Variants in ATP2C1 observed in about 807,000 individuals in gnomAD.
ATP2C1 encodes the protein ATPase secretory pathway Ca2+ transporting 1.
A neutral mutation model predicts 120.5 loss-of-function variants in ATP2C1; 31 were observed. The ratio of observed to expected loss-of-function variants is 0.26; its 90% CI spans 0.19 to 0.35. The LOEUF is 0.35. Ranked by LOEUF, ATP2C1 falls within the 10% of genes least tolerant of loss-of-function variation. The probability of loss-of-function intolerance (pLI) is 1.00; values close to 1 mark genes in which losing one functional copy is unlikely to be tolerated. For synonymous variants in ATP2C1, 351 were observed against 358.7 expected (o/e 0.98, Z 0.24); for missense variants, 731 against 1,107.5 (o/e 0.66, Z 4.83).
At chr3:130,941,275 TGCGCGCAC>T (rs2059905922) in intron 7 of ATP2C1, among the ~76,000 whole-genome samples, 2 of 150,692 alleles carry the variant, frequency 1.3e-5, no homozygotes, top group Non-Finnish European at 3.0e-5. Flanking sequence ...TCTGTGTGTG[TGCGCGCAC>T]GCGCGCATGC....
At chr3:130,996,217 A>C in intron 23 of ATP2C1, 106 bp downstream of exon 23, 1 of 861,842 alleles carries the variant, frequency 1.2e-6, no homozygotes. Context: ...ATTTGTGAGC[A>C]TTGTTCATAT....
intron 2 of ATP2C1, among the ~76,000 whole-genome samples, chr3:130,914,966 G>T (rs1339531486): frequency 2.0e-5 from 3 of 152,164 alleles, no homozygotes; most frequent in African/African-American, 7.2e-5. Flanking sequence ...AAAGCAGTTG[G>T]ATTGTTGAAT....
Position 130,975,510 on chromosome 3 carries a change from C to T in ATP2C1, c.1570+22C>T, listed in dbSNP as rs80188888. 1.3e-3 allele frequency: 2,149 copies of T among 1,612,014 alleles called. 33 individuals are homozygous for T. In the African/African-American group the frequency reaches 0.025, roughly 19 times the overall value. ...AGAGGTAAGGCTATTTCAGCATAGT[C>T]CCCTGGGGTGGAAAGGTAGAGCCTT... On this transcript the variant is annotated intron_variant, in intron 18 of 27. Coordinates refer to ENST00000510168, the MANE Select transcript of ATP2C1 (RefSeq NM_001378687.1).
At chr3:130,855,708 A>T (rs1195641839) in intron 1 of ATP2C1, among the ~76,000 whole-genome samples, 1 of 152,230 alleles carries the variant, frequency 6.6e-6, no homozygotes, top group African/African-American at 2.4e-5. Context: ...GGATGGGTCC[A>T]GAGAATAGGT....
At chr3:131,014,504 T>C in intron 26 of ATP2C1, 3 of 953,466 alleles carry the variant, frequency 3.1e-6, no homozygotes, top group Non-Finnish European at 4.5e-6. Context: ...TATTGCTCTA[T>C]AATATTATCG....
chr3:130,993,023 T>C (rs1354841389), intron 21 of ATP2C1, 22 bp downstream of exon 21: 1 of 1,603,706 alleles, frequency 6.2e-7, no homozygotes, highest in Non-Finnish European at 8.5e-7. Flanking sequence ...AGAATCAGAT[T>C]GTTTTATTTC....
intron 3 of ATP2C1, among the ~76,000 whole-genome samples, chr3:130,930,926 A>T (rs2059422196): frequency 6.6e-6 from 1 of 152,118 alleles, no homozygotes; most frequent in Non-Finnish European, 1.5e-5. Context: ...GTAGGAGTTT[A>T]TCTTTTTTTG....
intron 1 of ATP2C1, among the ~76,000 whole-genome samples, chr3:130,884,028 G>A (rs1298388978): frequency 4.3e-5 from 6 of 138,788 alleles, no homozygotes; most frequent in African/African-American, 1.1e-4. Flanking sequence ...TGCAACCTCC[G>A]CCTCTCGGGT....
rs2069434779 is a variant in ATP2C1, at chr3:130,894,713, C to T, written c.-57C>T. ...CCTCTCCTCTCTATTCCCAGTGTGG[C>T]CGTGGCTGACACTAAAGACTTTGTA... On this transcript the variant is annotated 5_prime_UTR_variant, in exon 2 of 28. Coordinates refer to ENST00000510168, the MANE Select transcript of ATP2C1 (RefSeq NM_001378687.1). This position sits in a 1 kb window ranked among gnomAD's most constrained non-coding sequence, Gnocchi z 4.5. The T allele has an allele frequency of 6.2e-7, 1 of 1,614,136 alleles. No individual in the cohort carries two copies. Among genetic ancestry groups the T allele is most frequent in the Non-Finnish European group, 8.5e-7 (1 of 1,180,010 alleles).
chr3:130,970,399 C>CAT (rs1355403374), intron 17 of ATP2C1, among the ~76,000 whole-genome samples: 2 of 151,438 alleles, frequency 1.3e-5, no homozygotes, highest in Non-Finnish European at 2.9e-5. Flanking sequence ...CACACACACA[C>CAT]ACACACACCC....
chr3:130,895,164 A>G (rs2069488994), intron 2 of ATP2C1, among the ~76,000 whole-genome samples: 1 of 152,250 alleles, frequency 6.6e-6, no homozygotes, highest in Admixed American at 6.5e-5. Flanking sequence ...TGGCGTTTCA[A>G]GCCTCGATGT....
chr3:130,911,138 T>G (rs1195515928), intron 2 of ATP2C1, among the ~76,000 whole-genome samples: 1 of 147,548 alleles, frequency 6.8e-6, no homozygotes, highest in Non-Finnish European at 1.5e-5. Context: ...CTGTTATTGG[T>G]CTATTCAGAG....
At chr3:130,897,371 T>C (rs140855846) in intron 2 of ATP2C1, among the ~76,000 whole-genome samples, 2 of 152,346 alleles carry the variant, frequency 1.3e-5, no homozygotes, top group East Asian at 1.9e-4. Context: ...GCTTCTAAGC[T>C]TTCTCAGCCT....
At chr3:131,016,182 C>G (rs755873275) in exon 27 of ATP2C1, 10 of 1,613,924 alleles carry the variant, frequency 6.2e-6, no homozygotes, top group African/African-American at 1.3e-5. Flanking sequence ...TGGACAGCAG[C>G]TGGTTGAGAT....
At chr3:130,981,892 T>A (rs1342612341) in intron 20 of ATP2C1, among the ~76,000 whole-genome samples, 1 of 152,220 alleles carries the variant, frequency 6.6e-6, no homozygotes, top group Non-Finnish European at 1.5e-5. Context: ...TTTTTAAAAA[T>A]TATGTTTTCT....
At chr3:131,005,266 C>T (rs1200950545), downstream of ATP2C1, among the ~76,000 whole-genome samples, 2 of 151,926 alleles carry the variant, frequency 1.3e-5, no homozygotes, top group Non-Finnish European at 2.9e-5. Flanking sequence ...CAGGTGCACA[C>T]CACCATGTCT....
rs145477547 is a variant in ATP2C1, at chr3:130,878,397, T to G, written c.108+27469T>G. ...TGTTTTGTGTACCCTTTGTTTCTTT[T>G]TGTTTTTCTTTGCAGTTTAATGATT... On this transcript the variant is annotated intron_variant, in intron 1 of 26. Coordinates refer to the ATP2C1 transcript ENST00000504381. Among the ~76,000 whole-genome samples the G allele has an allele frequency of 7.7e-3, 1,170 of 151,628 alleles. 24 individuals are homozygous for G. The highest frequency in any genetic ancestry group is 0.026 in the African/African-American group (1,081 of 41,538).
chr3:130,961,119 C>A (rs2060799819), intron 12 of ATP2C1, among the ~76,000 whole-genome samples: 2 of 150,108 alleles, frequency 1.3e-5, no homozygotes, highest in Non-Finnish European at 1.5e-5. Flanking sequence ...CAATTTGAAA[C>A]TCTTGGTTTA....
intron 8 of ATP2C1, among the ~76,000 whole-genome samples, chr3:130,950,196 G>A (rs150791910): frequency 1.1e-4 from 16 of 152,174 alleles, no homozygotes; most frequent in African/African-American, 3.9e-4. Flanking sequence ...TATTTAGACT[G>A]TGGATTATAT....
Sources: allele counts gnomAD v4.1 joint callset (sites outside exome capture counted in the v4.1 genomes callset), GRCh38; gene constraint gnomAD v4.1.1; non-coding constraint Gnocchi (gnomAD v3.1); transcripts MANE v1.5; gene names NCBI Gene and HGNC (gene_info 2026-07-23, HGNC 2026-07-21).